CRB1: variants seen among roughly 807,000 people sequenced by gnomAD.
The protein encoded by CRB1 is protein crumbs homolog 1.
A neutral mutation model predicts 120.0 loss-of-function variants in CRB1; 83 were observed. The observed-to-expected ratio is 0.69, with a 90% confidence interval of 0.58 to 0.83. The LOEUF is 0.83. CRB1 is among the 40% of genes least tolerant of loss of function. The pLI, the probability that CRB1 is intolerant of heterozygous loss-of-function variation, is 0.00. For missense variants in CRB1, 1,699 were observed against 1,687.6 expected, an observed-to-expected ratio of 1.01 and a Z score of -0.12; for synonymous variants, 625 against 612.5, an observed-to-expected ratio of 1.02 and a Z score of -0.30.
At chr1:197,420,819 G>T (rs570915040) in intron 5 of CRB1, among the ~76,000 whole-genome samples, 181 bp from the exon 6 acceptor site, 14 of 152,236 alleles carry the variant, frequency 9.2e-5, no homozygotes, top group African/African-American at 3.4e-4. Context: ...TTTTCTTCAT[G>T]ACACAGGTGG....
intron 5 of CRB1, among the ~76,000 whole-genome samples, chr1:197,384,762 C>T (rs893422854): frequency 2.0e-5 from 3 of 152,044 alleles, no homozygotes; most frequent in Non-Finnish European, 2.9e-5. Context: ...TTAGCATTTA[C>T]GGATAATAAG....
the CRB1 span, among the ~76,000 whole-genome samples, chr1:197,252,888 G>A: frequency 4.2e-4 from 64 of 151,774 alleles, no homozygotes; most frequent in Non-Finnish European, 6.8e-4. Context: ...TTCTGTTTGG[G>A]TTCTCAATGG....
intron 11 of CRB1, among the ~76,000 whole-genome samples, chr1:197,463,489 C>A (rs1214098234): frequency 1.8e-4 from 27 of 152,250 alleles, no homozygotes; most frequent in Non-Finnish European, 3.1e-4. Context: ...TTTCAGTCTG[C>A]AGATATGCCA....
In CRB1 at chr1:197,301,082, C is replaced by T. The variant is rs138326702; in HGVS notation, c.71-27340C>T. Reference sequence around the variant, plus strand: ...TGCTCATTGACAATGCCCCTAGTCACCCAAGATCTCTGATGGAGATGGGCA... The same window carrying T: ...TGCTCATTGACAATGCCCCTAGTCATCCAAGATCTCTGATGGAGATGGGCA... On this transcript the variant is annotated intron_variant, in intron 1 of 11. Coordinates refer to ENST00000367400, the MANE Select transcript of CRB1 (RefSeq NM_201253.3). 5.7e-3 allele frequency among the ~76,000 whole-genome samples: 862 copies of T among 151,450 alleles called. 8 individuals are homozygous for T. The highest frequency in any genetic ancestry group is 0.017 in the African/African-American group (711 of 41,374).
At chr1:197,336,004 C>T (rs537790951) in intron 2 of CRB1, among the ~76,000 whole-genome samples, 3 of 152,344 alleles carry the variant, frequency 2.0e-5, no homozygotes, top group Admixed American at 2.0e-4. Context: ...TGCAGTCTTT[C>T]TTAGTAGCTT....
chr1:197,237,774 G>T, the CRB1 span, among the ~76,000 whole-genome samples: 2 of 151,954 alleles, frequency 1.3e-5, no homozygotes, highest in Admixed American at 1.3e-4. Flanking sequence ...TTTGGCAGAG[G>T]TTCATCAATT....
intron 5 of CRB1, among the ~76,000 whole-genome samples, chr1:197,374,080 TG>T (rs1295888644): frequency 6.6e-6 from 1 of 152,156 alleles, no homozygotes; most frequent in East Asian, 1.9e-4. Context: ...GAGTCTCCTT[TG>T]GTATGCAGTT....
chr1:197,365,624 TTC>T (rs1164628202), intron 5 of CRB1, among the ~76,000 whole-genome samples: 16 of 124,824 alleles, frequency 1.3e-4, no homozygotes, highest in South Asian at 8.9e-4. Flanking sequence ...CTTCTTCTTC[TTC>T]TTTTTTTTTT....
In CRB1 at chr1:197,433,872, C is replaced by T. The variant is rs541992369; in HGVS notation, c.2843-834C>T. On this transcript the variant is annotated intron_variant, in intron 8 of 11. Transcript: ENST00000367400. ...AGCAGGATAGAATGCAGTGTGGATCCAAATAATATTAGGTTTACAGATTTG... is the reference window on the plus strand; with the variant it reads ...AGCAGGATAGAATGCAGTGTGGATCTAAATAATATTAGGTTTACAGATTTG... Among the ~76,000 whole-genome samples, 381 of 151,438 alleles carry T rather than the reference C, an allele frequency of 2.5e-3. 3 individuals carry two copies. The highest frequency in any genetic ancestry group is 8.4e-3 in the African/African-American group (346 of 41,240).
chr1:197,320,843 A>G (rs774612308), intron 1 of CRB1, among the ~76,000 whole-genome samples: 3 of 152,220 alleles, frequency 2.0e-5, no homozygotes, highest in Admixed American at 1.3e-4. Flanking sequence ...CCATATATTT[A>G]CAAGAATGAT....
At chr1:197,225,486 T>C in the CRB1 span, among the ~76,000 whole-genome samples, 1 of 152,244 alleles carries the variant, frequency 6.6e-6, no homozygotes. Context: ...AATATTTTGC[T>C]GGCATATTGC....
chr1:197,340,766 G>A (rs749821380), intron 2 of CRB1, among the ~76,000 whole-genome samples: 36 of 152,078 alleles, frequency 2.4e-4, no homozygotes, highest in East Asian at 3.9e-4. Flanking sequence ...TGGGGGTGGC[G>A]CAAATCAGCA....
chr1:197,277,715 C>G (rs1255506137), intron 1 of CRB1, among the ~76,000 whole-genome samples: 1 of 151,864 alleles, frequency 6.6e-6, no homozygotes, highest in Non-Finnish European at 1.5e-5. Context: ...TGAGTTGTGT[C>G]AGTAAATACA....
At chr1:197,355,769 T>C (rs909002998) in intron 4 of CRB1, among the ~76,000 whole-genome samples, 2 of 151,376 alleles carry the variant, frequency 1.3e-5, no homozygotes, top group African/African-American at 4.9e-5. Flanking sequence ...CCCACACACA[T>C]CTGTCCCTCC....
chr1:197,353,598 C>T (rs181532211), intron 4 of CRB1, among the ~76,000 whole-genome samples: 30 of 151,948 alleles, frequency 2.0e-4, no homozygotes, highest in African/African-American at 6.3e-4. Flanking sequence ...GTCAGGAGCT[C>T]GAGACTAGAC....
chr1:197,472,591 C>A (rs556550343), intron 11 of CRB1, among the ~76,000 whole-genome samples: 2 of 152,298 alleles, frequency 1.3e-5, no homozygotes, highest in South Asian at 4.1e-4. Context: ...ATGCTGTCAT[C>A]GGCCCTAAAT....
At chr1:197,296,133 A>C (rs1200503443) in intron 1 of CRB1, among the ~76,000 whole-genome samples, 2 of 152,028 alleles carry the variant, frequency 1.3e-5, no homozygotes, top group East Asian at 1.9e-4. Flanking sequence ...CTATTTTTCT[A>C]TCTGCAAAAT....
In CRB1 at chr1:197,409,590, C is replaced by T. The variant is rs191805946; in HGVS notation, c.1172-11410C>T. On this transcript the variant is annotated intron_variant, in intron 5 of 11. Transcript: ENST00000367400. The stretch of plus-strand genomic sequence containing the variant: ...CATCATATTATTTTTTCGGAGGGAG[C>T]ATGTTGTAGAGAACAAATGACTTAT... 2.1e-3 allele frequency among the ~76,000 whole-genome samples: 314 copies of T among 152,068 alleles called. 2 individuals are homozygous for T. Among genetic ancestry groups the T allele is most frequent in the African/African-American group, 7.4e-3 (307 of 41,476 alleles).
chr1:197,277,157 A>T (rs1301625126), intron 1 of CRB1, among the ~76,000 whole-genome samples: 3 of 151,878 alleles, frequency 2.0e-5, no homozygotes, highest in East Asian at 1.9e-4. Context: ...TACCTTTAAA[A>T]TTTTTTCAGG....
Sources: gnomAD v4.1 joint callset for allele counts (sites outside exome capture counted in the v4.1 genomes callset) on GRCh38, gnomAD v4.1.1 for gene constraint, MANE v1.5 for transcripts, NCBI Gene and HGNC (gene_info 2026-07-23, HGNC 2026-07-21) for gene names.